MARCHF1: variants seen among roughly 807,000 people sequenced by gnomAD.
The protein encoded by MARCHF1 is E3 ubiquitin-protein ligase MARCHF1.
In MARCHF1, 40 loss-of-function variants were observed where a neutral mutation model predicts 54.2. That is an observed-to-expected ratio of 0.74 (90% CI 0.57 to 0.96). The LOEUF (loss-of-function observed/expected upper bound fraction) is 0.96. Among genes scored for constraint, MARCHF1 ranks in the 40% least tolerant of loss-of-function variants. The pLI, the probability that MARCHF1 is intolerant of heterozygous loss-of-function variation, is 0.00. For synonymous variants in MARCHF1, 236 were observed against 236.3 expected, an observed-to-expected ratio of 1.00 and a Z score of 0.01; for missense variants, 586 against 656.5, an observed-to-expected ratio of 0.89 and a Z score of 1.17.
chr4:164,201,836 A>G (rs926599046), intron 1 of MARCHF1, among the ~76,000 whole-genome samples: 2 of 152,236 alleles, frequency 1.3e-5, no homozygotes, highest in Non-Finnish European at 2.9e-5. Flanking sequence ...ATTCCTTAGT[A>G]TAATGTATAA....
intron 1 of MARCHF1, among the ~76,000 whole-genome samples, chr4:164,227,440 T>C (rs1732290533): frequency 1.3e-5 from 2 of 151,986 alleles, no homozygotes; most frequent in African/African-American, 4.8e-5. Context: ...AGCCAAACCA[T>C]ATCAAAGGCC....
chr4:163,885,390 C>T (rs960584922), intron 3 of MARCHF1, among the ~76,000 whole-genome samples: 1 of 151,878 alleles, frequency 6.6e-6, no homozygotes, highest in African/African-American at 2.4e-5. Context: ...AAGACACCAT[C>T]AACCAAAAAT....
rs1748182980 is a variant in MARCHF1, at chr4:163,804,920, T to C, written c.111+49101A>G. ...AAATTCCTCACTTAAAAGACAGCTT[T>C]TGAAAATTTCAGTGATTGCAATCTC... On this transcript the variant is annotated intron_variant, in intron 4 of 9. Coordinates refer to ENST00000514618, the MANE Select transcript of MARCHF1 (RefSeq NM_001394959.1). 2.6e-5 allele frequency among the ~76,000 whole-genome samples: 4 copies of C among 152,318 alleles called. No individual in the cohort carries two copies. In the South Asian group the frequency reaches 8.3e-4, roughly 32 times the overall value.
intron 4 of MARCHF1, among the ~76,000 whole-genome samples, chr4:163,740,106 T>C (rs926696643): frequency 2.0e-5 from 3 of 152,160 alleles, no homozygotes; most frequent in Non-Finnish European, 2.9e-5. Flanking sequence ...AGAGACTTGA[T>C]TATGCCAGCT....
chr4:164,149,956 A>C (rs1729886048), intron 1 of MARCHF1, among the ~76,000 whole-genome samples: 1 of 152,146 alleles, frequency 6.6e-6, no homozygotes, highest in Non-Finnish European at 1.5e-5. Flanking sequence ...TTCCTGATTT[A>C]CTGATGAAAA....
intron 2 of MARCHF1, among the ~76,000 whole-genome samples, chr4:164,033,176 G>A (rs1342565079): frequency 2.1e-3 from 268 of 127,938 alleles, no homozygotes; most frequent in African/African-American, 6.5e-3. Flanking sequence ...TCCATCTCGG[G>A]AAAAAAAAAA....
At chr4:164,270,650 G>A (rs1214831751) in intron 1 of MARCHF1, among the ~76,000 whole-genome samples, 1 of 152,166 alleles carries the variant, frequency 6.6e-6, no homozygotes, top group Non-Finnish European at 1.5e-5. Context: ...AATTCAAGGA[G>A]CTAAATCACA....
At chr4:163,542,514 C>G (rs1579045474) in intron 9 of MARCHF1, among the ~76,000 whole-genome samples, 1 of 152,222 alleles carries the variant, frequency 6.6e-6, no homozygotes, top group African/African-American at 2.4e-5. Flanking sequence ...TAAGTATAAA[C>G]CTCTGGGGAT....
Position 163,999,278 on chromosome 4 carries a change from T to C in MARCHF1, c.-247-10569A>G, listed in dbSNP as rs867700925. Among the ~76,000 whole-genome samples the C allele has an allele frequency of 1.3e-4, 20 of 151,764 alleles. No homozygotes were observed. In the South Asian group the frequency reaches 3.5e-3, roughly 27 times the overall value. On this transcript the variant is annotated intron_variant, in intron 2 of 9. Transcript: ENST00000514618. ...ATGAAAATAATGCATGTAAACTCCT[T>C]GGTACATGGCTTGTCAAAGAAAAAG...
intron 1 of MARCHF1, among the ~76,000 whole-genome samples, chr4:164,270,217 G>A (rs1350937412): frequency 4.6e-5 from 7 of 152,092 alleles, no homozygotes; most frequent in Admixed American, 3.3e-4. Flanking sequence ...CAGGATATTT[G>A]CCATTGTTAC....
chr4:163,712,515 T>C (rs1379627618), intron 4 of MARCHF1, among the ~76,000 whole-genome samples: 1 of 152,208 alleles, frequency 6.6e-6, no homozygotes, highest in African/African-American at 2.4e-5. Flanking sequence ...GCTTCACTCA[T>C]TTGTGAGGTC....
intron 8 of MARCHF1, among the ~76,000 whole-genome samples, chr4:163,554,257 A>G (rs1739211242): frequency 6.6e-6 from 1 of 152,236 alleles, no homozygotes; most frequent in Non-Finnish European, 1.5e-5. Context: ...GTTAGTTTAC[A>G]ATGTGAGGAA....
chr4:164,043,553 C>T (rs914905994), intron 2 of MARCHF1, among the ~76,000 whole-genome samples: 2 of 152,190 alleles, frequency 1.3e-5, no homozygotes. Context: ...GCCTCTAAAT[C>T]TGTGATGGGA....
intron 9 of MARCHF1, among the ~76,000 whole-genome samples, chr4:163,541,524 A>AT (rs904001191): frequency 2.3e-4 from 35 of 151,948 alleles, no homozygotes; most frequent in Middle Eastern, 3.4e-3. Flanking sequence ...TATATTTGCT[A>AT]TTTTTTTTCC....
At chr4:164,216,601 G>T (rs1579630938) in intron 1 of MARCHF1, among the ~76,000 whole-genome samples, 2 of 152,222 alleles carry the variant, frequency 1.3e-5, no homozygotes, top group South Asian at 4.1e-4. Flanking sequence ...ATAAAGCAAA[G>T]TCATTTCTTG....
intron 1 of MARCHF1, among the ~76,000 whole-genome samples, chr4:164,296,673 A>T (rs1734420072): frequency 6.6e-6 from 1 of 152,052 alleles, no homozygotes. Flanking sequence ...TCTGGCCCAA[A>T]CTCTTTAATT....
At chr4:163,758,290 G>A (rs1218512290) in intron 4 of MARCHF1, among the ~76,000 whole-genome samples, 1 of 152,060 alleles carries the variant, frequency 6.6e-6, no homozygotes, top group African/African-American at 2.4e-5. Flanking sequence ...CAGCTGGACC[G>A]GGCTGGGCTG....
At chr4:164,121,781 A>G (rs1756071803) in intron 1 of MARCHF1, among the ~76,000 whole-genome samples, 1 of 152,106 alleles carries the variant, frequency 6.6e-6, no homozygotes, top group South Asian at 2.1e-4. Flanking sequence ...AAGAACTAAT[A>G]TCAACCCCAC....
At chr4:163,833,931 T>C (rs1482058382) in intron 4 of MARCHF1, among the ~76,000 whole-genome samples, 2 of 152,166 alleles carry the variant, frequency 1.3e-5, no homozygotes, top group Non-Finnish European at 2.9e-5. Context: ...TCATCATCAG[T>C]CCATGTCTAC....
Sources: allele counts gnomAD v4.1 joint callset (sites outside exome capture counted in the v4.1 genomes callset), GRCh38; gene constraint gnomAD v4.1.1; transcripts MANE v1.5; gene names NCBI Gene and HGNC (gene_info 2026-07-23, HGNC 2026-07-21).